The following RANBP17 variants were observed in gnomAD, a reference collection of about 807,000 sequenced individuals.
RANBP17 encodes ran-binding protein 17.
In RANBP17, 158 loss-of-function variants were observed where a neutral mutation model predicts 141.2. The ratio of observed to expected loss-of-function variants is 1.12; its 90% CI spans 0.98 to 1.28. The LOEUF is 1.28. Ranked by LOEUF, RANBP17 falls within the 50% of genes most tolerant of loss-of-function variation. RANBP17 has a pLI of 0.00. For synonymous variants in RANBP17, 430 were observed against 450.0 expected (o/e 0.96, Z 0.56); for missense variants, 1,438 against 1,290.7 (o/e 1.11, Z -1.75).
chr5:171,061,225 G>C (rs1366518360), intron 14 of RANBP17, among the ~76,000 whole-genome samples: 22 of 150,058 alleles, frequency 1.5e-4, no homozygotes, highest in African/African-American at 4.6e-4. Flanking sequence ...GTTTGCTCTT[G>C]CTTTTCTAGT....
At chr5:170,972,638 A>G (rs533480233) in intron 14 of RANBP17, among the ~76,000 whole-genome samples, 12 of 152,050 alleles carry the variant, frequency 7.9e-5, no homozygotes, top group Admixed American at 3.9e-4. Context: ...CAGATTTTCA[A>G]TTTTTACAAA....
At chr5:171,054,106 A>G (rs768755991) in intron 14 of RANBP17, among the ~76,000 whole-genome samples, 3 of 151,602 alleles carry the variant, frequency 2.0e-5, no homozygotes, top group Non-Finnish European at 4.4e-5. Flanking sequence ...ATCCTTTTTT[A>G]TCCTTTCACT....
At chr5:171,104,965 G>A (rs1305753449) in intron 14 of RANBP17, among the ~76,000 whole-genome samples, 2 of 152,150 alleles carry the variant, frequency 1.3e-5, no homozygotes, top group East Asian at 3.8e-4. Flanking sequence ...TAATCACAGG[G>A]AGTGTATTTA....
intron 16 of RANBP17, among the ~76,000 whole-genome samples, chr5:171,182,279 GA>G (rs1316345802): frequency 6.6e-6 from 1 of 152,246 alleles, no homozygotes; most frequent in Non-Finnish European, 1.5e-5. Context: ...GACTATGGTA[GA>G]GTAAGAGAAG....
At chr5:171,003,434 G>T (rs1779363835) in intron 14 of RANBP17, among the ~76,000 whole-genome samples, 1 of 152,200 alleles carries the variant, frequency 6.6e-6, no homozygotes, top group South Asian at 2.1e-4. Flanking sequence ...AGGAAGGAAA[G>T]GAGTTGTTGT....
At chr5:171,010,207 C>A (rs577161081) in intron 14 of RANBP17, among the ~76,000 whole-genome samples, 2 of 152,260 alleles carry the variant, frequency 1.3e-5, no homozygotes, top group African/African-American at 4.8e-5. Flanking sequence ...AAAGAGAGAT[C>A]TTAGCAGTTG....
At chr5:170,961,571 T>C (rs188288808) in intron 13 of RANBP17, among the ~76,000 whole-genome samples, 1 of 152,164 alleles carries the variant, frequency 6.6e-6, no homozygotes. Context: ...AGTTTGAGCA[T>C]CAACATGAAT....
At chr5:170,877,627 C>G (rs1006776193) in intron 1 of RANBP17, among the ~76,000 whole-genome samples, 1 of 152,078 alleles carries the variant, frequency 6.6e-6, no homozygotes, top group African/African-American at 2.4e-5. Context: ...TGATCATTTC[C>G]CCCATCCATC....
At chr5:170,905,301 T>A (rs1293875558) in intron 5 of RANBP17, among the ~76,000 whole-genome samples, 1 of 152,156 alleles carries the variant, frequency 6.6e-6, no homozygotes, top group African/African-American at 2.4e-5. Context: ...AGGAATGTAG[T>A]GTTTAAAAAC....
chr5:171,246,246 A>G (rs1417703188), intron 24 of RANBP17, among the ~76,000 whole-genome samples: 1 of 152,210 alleles, frequency 6.6e-6, no homozygotes, highest in Non-Finnish European at 1.5e-5. Flanking sequence ...GGAGAGCTGT[A>G]GAACTCTCTT....
At chr5:171,006,723 T>G (rs1779644870) in intron 14 of RANBP17, among the ~76,000 whole-genome samples, 1 of 146,952 alleles carries the variant, frequency 6.8e-6, no homozygotes, top group African/African-American at 2.5e-5. Context: ...TGTGCACATG[T>G]ACTCTAAAAC....
chr5:171,242,586 T>C, intron 23 of RANBP17, 96 bp from the exon 24 acceptor site: 1 of 1,305,152 alleles, frequency 7.7e-7, no homozygotes, highest in Non-Finnish European at 1.1e-6. Flanking sequence ...TAAATAAGTT[T>C]ACAATTTCCA....
At chr5:171,028,494 T>TA (rs924799040) in intron 14 of RANBP17, among the ~76,000 whole-genome samples, 12 of 152,174 alleles carry the variant, frequency 7.9e-5, no homozygotes, top group Non-Finnish European at 1.3e-4. Context: ...GATAATTTAT[T>TA]AATTTGGACT....
chr5:171,271,255 A>G (rs542152542), intron 25 of RANBP17: 2 of 215,670 alleles, frequency 9.3e-6, no homozygotes, highest in East Asian at 6.8e-5. Context: ...TTGCTTTTGT[A>G]TAGTGCTCTT....
At chr5:171,198,216 G>C (rs1309363205) in intron 18 of RANBP17, among the ~76,000 whole-genome samples, 1 of 152,218 alleles carries the variant, frequency 6.6e-6, no homozygotes, top group African/African-American at 2.4e-5. Context: ...GTATCTAAGA[G>C]GAGTCACTTG....
intron 14 of RANBP17, among the ~76,000 whole-genome samples, chr5:171,065,198 AC>A (rs1299834783): frequency 5.9e-5 from 9 of 151,638 alleles, no homozygotes; most frequent in African/African-American, 2.2e-4. Flanking sequence ...ATCTACTTTT[AC>A]CTTTTTTCAA....
At position 171,241,046 on chromosome 5, in the gene RANBP17, C is replaced by T; in HGVS notation, c.2541C>T (p.Ser847=). 6.2e-7 allele frequency: 1 copy of T among 1,613,926 alleles called. No homozygotes were observed. The change falls in exon 23 of 28, where the codon AGC becomes AGT. Residue 847 remains serine, a synonymous_variant. Transcript: ENST00000523189. The part of the protein sequence containing the change: ...LKSALCGNYV[S]FGVFKLYGDN... Reference sequence around the variant, plus strand: ...CTGCCTTGTGTGGAAATTATGTCAGCTTTGGCGTCTTCAAGTTGTATGGGG... The same window carrying T: ...CTGCCTTGTGTGGAAATTATGTCAGTTTTGGCGTCTTCAAGTTGTATGGGG...
At chr5:170,917,864 A>G (rs182522212) in intron 9 of RANBP17, among the ~76,000 whole-genome samples, 2 of 152,278 alleles carry the variant, frequency 1.3e-5, no homozygotes, top group Admixed American at 6.5e-5. Flanking sequence ...TTTTAGAATC[A>G]CAAACATGTT....
At chr5:171,276,047 A>G (rs1394252112) in intron 25 of RANBP17, among the ~76,000 whole-genome samples, 1 of 152,190 alleles carries the variant, frequency 6.6e-6, no homozygotes, top group Non-Finnish European at 1.5e-5. Context: ...AAAGTAAGAA[A>G]AGATTTTGCG....
Sources: gnomAD v4.1 joint callset for allele counts (sites outside exome capture counted in the v4.1 genomes callset) on GRCh38, gnomAD v4.1.1 for gene constraint, MANE v1.5 for transcripts, NCBI Gene and HGNC (gene_info 2026-07-23, HGNC 2026-07-21) for gene names.